DPP10: variants seen among roughly 807,000 people sequenced by gnomAD.
The protein encoded by DPP10 is dipeptidyl peptidase like 10.
Under a neutral mutation model 120.9 loss-of-function variants are expected in DPP10, and 33 were observed. The observed-to-expected ratio is 0.27, with a 90% confidence interval of 0.21 to 0.37. DPP10 has a LOEUF of 0.37. DPP10 is among the 10% of genes least tolerant of loss of function. The probability of loss-of-function intolerance (pLI) is 1.00; values close to 1 mark genes in which losing one functional copy is unlikely to be tolerated. For synonymous variants in DPP10, 337 were observed against 326.1 expected (o/e 1.03, Z -0.36); for missense variants, 816 against 942.8 (o/e 0.87, Z 1.76).
intron 1 of DPP10, among the ~76,000 whole-genome samples, chr2:115,122,413 A>G (rs1179513185): frequency 2.6e-5 from 4 of 152,140 alleles, no homozygotes; most frequent in African/African-American, 4.8e-5. Flanking sequence ...ACCAGCCTTC[A>G]TCTCTGTCCT....
chr2:115,107,422 CTTTTTTTT>C (rs59046305), intron 1 of DPP10, among the ~76,000 whole-genome samples: 22 of 59,866 alleles, frequency 3.7e-4, no homozygotes, highest in African/African-American at 6.0e-4. Flanking sequence ...TTGGTTATAG[CTTTTTTTT>C]TTTTTTTTTT....
At chr2:115,494,446 G>A (rs2076287917) in intron 3 of DPP10, among the ~76,000 whole-genome samples, 2 of 152,092 alleles carry the variant, frequency 1.3e-5, no homozygotes, top group Admixed American at 1.3e-4. Flanking sequence ...AATGGCCTCA[G>A]TTTCTTCAGT....
At chr2:115,039,905 G>T (rs564849710) in intron 1 of DPP10, among the ~76,000 whole-genome samples, 1 of 152,092 alleles carries the variant, frequency 6.6e-6, no homozygotes, top group East Asian at 2.0e-4. Flanking sequence ...TTCAGTCACG[G>T]CAGAAGGCGA....
chr2:115,321,729 T>C (rs1005550786), intron 2 of DPP10, among the ~76,000 whole-genome samples: 1 of 152,072 alleles, frequency 6.6e-6, no homozygotes, highest in Non-Finnish European at 1.5e-5. Context: ...CTCTTTTTTC[T>C]TTCTGCTTTC....
At chr2:114,735,922 T>G (rs1677385244) in intron 1 of DPP10, among the ~76,000 whole-genome samples, 1 of 152,110 alleles carries the variant, frequency 6.6e-6, no homozygotes, top group South Asian at 2.1e-4. Context: ...CATCTACTTG[T>G]ATATTTGTTT....
At chr2:114,673,267 G>A (rs1173314019) in intron 1 of DPP10, among the ~76,000 whole-genome samples, 1 of 152,096 alleles carries the variant, frequency 6.6e-6, no homozygotes, top group East Asian at 1.9e-4. Context: ...CAGTGCCTAA[G>A]ACGAGCGAAT....
rs192921044 is a variant in DPP10, at chr2:115,811,705, A to G, written c.1701-3088A>G. Among the ~76,000 whole-genome samples the G allele has an allele frequency of 1.5e-3, 223 of 152,216 alleles. 1 individual carries two copies. The highest frequency in any genetic ancestry group is 3.4e-3 in the Middle Eastern group (1 of 294). Reference sequence around the variant, plus strand: ...CAATCCTGCCTTAAAAGTTAAGGACACTCTGGTGATCACTCCAAGGGTCTG... The same window carrying G: ...CAATCCTGCCTTAAAAGTTAAGGACGCTCTGGTGATCACTCCAAGGGTCTG... On this transcript the variant is annotated intron_variant, in intron 19 of 25. Coordinates refer to ENST00000410059, the MANE Select transcript of DPP10 (RefSeq NM_020868.6).
chr2:114,517,994 T>C (rs1684742767), intron 1 of DPP10, among the ~76,000 whole-genome samples: 1 of 152,138 alleles, frequency 6.6e-6, no homozygotes, highest in Non-Finnish European at 1.5e-5. Flanking sequence ...CTCAACATAT[T>C]GTTTAAAAAA....
intron 15 of DPP10, among the ~76,000 whole-genome samples, chr2:115,778,387 A>G (rs1682379134): frequency 6.6e-6 from 1 of 152,110 alleles, no homozygotes; most frequent in South Asian, 2.1e-4. Flanking sequence ...TATAGGGGAA[A>G]ATAATTACAT....
At chr2:115,052,993 A>T (rs529529105) in intron 1 of DPP10, among the ~76,000 whole-genome samples, 1 of 151,410 alleles carries the variant, frequency 6.6e-6, no homozygotes, top group Non-Finnish European at 1.5e-5. Flanking sequence ...GTTGGTGGGC[A>T]CGTGAGAGAA....
chr2:115,217,310 G>T (rs780199768), intron 1 of DPP10, among the ~76,000 whole-genome samples: 1 of 152,022 alleles, frequency 6.6e-6, no homozygotes, highest in African/African-American at 2.4e-5. Flanking sequence ...GACCCTTTTT[G>T]TGAGTGCTAG....
chr2:115,814,232 A>G (rs7578758), intron 19 of DPP10, among the ~76,000 whole-genome samples: 14,345 of 152,134 alleles, frequency 0.094, 792 homozygotes, highest in Non-Finnish European at 0.12. Context: ...GCTTGTTTAA[A>G]TTTTCTTCAG....
chr2:115,171,370 A>G (rs534197993), intron 1 of DPP10, among the ~76,000 whole-genome samples: 6 of 145,020 alleles, frequency 4.1e-5, no homozygotes, highest in East Asian at 4.1e-4. Flanking sequence ...AAAAAAAAAA[A>G]AAAAGAAAAG....
chr2:115,499,679 T>C, intron 4 of DPP10, 75 bp downstream of exon 4: 1 of 1,048,936 alleles, frequency 9.5e-7, no homozygotes, highest in Non-Finnish European at 1.4e-6. Flanking sequence ...CATAACTTTC[T>C]ATTCTTCAGC....
chr2:115,194,270 G>A (rs772348024), intron 1 of DPP10, among the ~76,000 whole-genome samples: 14 of 152,160 alleles, frequency 9.2e-5, no homozygotes, highest in South Asian at 2.1e-4. Context: ...TGTTGCCCGA[G>A]CTAGAGTGCA....
At chr2:115,392,375 A>C (rs879921277) in intron 3 of DPP10, among the ~76,000 whole-genome samples, 7 of 152,208 alleles carry the variant, frequency 4.6e-5, no homozygotes, top group Non-Finnish European at 8.8e-5. Context: ...TCATATTAAT[A>C]GAAAACTCTC....
chr2:114,531,687 A>G (rs916873757), intron 1 of DPP10, among the ~76,000 whole-genome samples: 126 of 151,922 alleles, frequency 8.3e-4, no homozygotes, highest in Non-Finnish European at 3.1e-4. Context: ...AGAAGAGTGT[A>G]TGTAAAACGG....
chr2:115,709,223 C>T (rs2092235422), intron 7 of DPP10, among the ~76,000 whole-genome samples: 1 of 152,034 alleles, frequency 6.6e-6, no homozygotes, highest in Non-Finnish European at 1.5e-5. Context: ...TAAGTTGAAT[C>T]TCTGATAGGA....
At chr2:115,294,446 A>G (rs1439567554) in intron 1 of DPP10, among the ~76,000 whole-genome samples, 1 of 151,374 alleles carries the variant, frequency 6.6e-6, no homozygotes, top group Non-Finnish European at 1.5e-5. Context: ...TTTTTTTTGG[A>G]TTAGCTTTTG....
Sources: gnomAD v4.1 joint callset for allele counts (sites outside exome capture counted in the v4.1 genomes callset) on GRCh38, gnomAD v4.1.1 for gene constraint, MANE v1.5 for transcripts, NCBI Gene and HGNC (gene_info 2026-07-23, HGNC 2026-07-21) for gene names.